RRAS2: variants seen among roughly 807,000 people sequenced by gnomAD.
RRAS2 encodes the protein RAS related 2, also known as ras-related protein R-Ras2.
In RRAS2, 7 loss-of-function variants were observed where a neutral mutation model predicts 27.6. The observed-to-expected ratio is 0.25, with a 90% CI of 0.14 to 0.48. The LOEUF (loss-of-function observed/expected upper bound fraction) is 0.48, where lower values mean the gene tolerates loss of function less well. RRAS2 is among the 20% of genes least tolerant of loss of function. RRAS2 has a pLI of 0.99. For synonymous variants in RRAS2, 86 were observed against 90.9 expected (o/e 0.95, Z 0.31); for missense variants, 178 against 256.2 (o/e 0.69, Z 2.08).
intron 1 of RRAS2, among the ~76,000 whole-genome samples, chr11:14,312,522 T>C (rs1847997197): frequency 6.6e-6 from 1 of 152,098 alleles, no homozygotes; most frequent in Non-Finnish European, 1.5e-5. Context: ...TGGGCTCAAG[T>C]GCTCCTCCCA....
At chr11:14,287,401 A>T (rs1849689988) in intron 4 of RRAS2, among the ~76,000 whole-genome samples, 1 of 152,212 alleles carries the variant, frequency 6.6e-6, no homozygotes, top group South Asian at 2.1e-4. Context: ...AAATCTCAAT[A>T]AACTACTTAC....
chr11:14,322,385 A>G (rs1334647430), intron 1 of RRAS2, among the ~76,000 whole-genome samples: 4 of 151,934 alleles, frequency 2.6e-5, no homozygotes, highest in African/African-American at 9.7e-5. Flanking sequence ...GACTGCAGTG[A>G]GCTGAGACAG....
chr11:14,304,416 C>A (rs1481456314), intron 1 of RRAS2, among the ~76,000 whole-genome samples: 5 of 152,186 alleles, frequency 3.3e-5, no homozygotes, highest in Non-Finnish European at 7.4e-5. Context: ...GCTACATGTG[C>A]AAAACCAGTT....
At chr11:14,347,426 T>C (rs1404456165) in intron 1 of RRAS2, among the ~76,000 whole-genome samples, 1 of 151,940 alleles carries the variant, frequency 6.6e-6, no homozygotes, top group Non-Finnish European at 1.5e-5. Flanking sequence ...ACGAAAGGAG[T>C]GGGTAGAAAC....
chr11:14,331,866 A>ATT (rs1848487467), intron 1 of RRAS2, among the ~76,000 whole-genome samples: 1 of 152,130 alleles, frequency 6.6e-6, no homozygotes, highest in Non-Finnish European at 1.5e-5. Flanking sequence ...AAGCAATCCA[A>ATT]TTTTCAAAAG....
At chr11:14,322,541 A>C (rs1848249587) in intron 1 of RRAS2, among the ~76,000 whole-genome samples, 1 of 152,164 alleles carries the variant, frequency 6.6e-6, no homozygotes. Context: ...CTTGATGTTT[A>C]ATTTCTTTCT....
intron 1 of RRAS2, among the ~76,000 whole-genome samples, chr11:14,349,813 A>C (rs782139214): frequency 6.6e-6 from 1 of 152,146 alleles, no homozygotes; most frequent in South Asian, 2.1e-4. Context: ...TCACTCCTTC[A>C]GTGTAGTTAA....
intron 1 of RRAS2, among the ~76,000 whole-genome samples, chr11:14,326,148 C>T (rs1848352424): frequency 6.6e-6 from 1 of 152,078 alleles, no homozygotes; most frequent in South Asian, 2.1e-4. Flanking sequence ...AGCATGGAAT[C>T]CAAAAATAGT....
At chr11:14,341,870 A>G (rs1554953327) in intron 1 of RRAS2, 2 of 453,538 alleles carry the variant, frequency 4.4e-6, no homozygotes, top group Admixed American at 2.4e-5. Context: ...TGCCTCCTCA[A>G]TAATATTCCC....
chr11:14,362,424 CA>C (rs536260292), upstream of RRAS2, among the ~76,000 whole-genome samples: 8 of 152,122 alleles, frequency 5.3e-5, no homozygotes, highest in East Asian at 1.5e-3. Flanking sequence ...CTTTCTATGC[CA>C]AAATGAGCTC....
At chr11:14,328,095 C>A (rs181683878) in intron 1 of RRAS2, among the ~76,000 whole-genome samples, 1 of 152,108 alleles carries the variant, frequency 6.6e-6, no homozygotes, top group Admixed American at 6.5e-5. Context: ...TGGCCAGGCG[C>A]GGTGGCTCAT....
At chr11:14,360,892 G>A (rs539628362), upstream of RRAS2, among the ~76,000 whole-genome samples, 15 of 148,284 alleles carry the variant, frequency 1.0e-4, no homozygotes, top group East Asian at 2.2e-3. Context: ...CTGCACCCAC[G>A]CCTGGGCGAC....
At chr11:14,281,776 T>C (rs1849543702) in intron 4 of RRAS2, 56 bp from the exon 5 acceptor site, 4 of 1,411,342 alleles carry the variant, frequency 2.8e-6, no homozygotes, top group South Asian at 2.6e-5. Context: ...ATTTGTTCCA[T>C]CTAATCCTGG....
At chr11:14,349,621 C>T (rs1554954518) in intron 1 of RRAS2, among the ~76,000 whole-genome samples, 1 of 152,106 alleles carries the variant, frequency 6.6e-6, no homozygotes, top group Non-Finnish European at 1.5e-5. Flanking sequence ...TACTTATTTG[C>T]TTATAACAGT....
In RRAS2 at chr11:14,281,702, G is replaced by C; in HGVS notation, c.427C>G (p.Gln143Glu). The change falls in exon 5 of 6, where the codon CAA becomes GAA. Residue 143 changes from glutamine to glutamate, a missense_variant. Gln to Glu is a conservative substitution (Grantham distance 29). Transcript: ENST00000256196. ...ACCTTAAGCTGCCGTGCTAACTGTTGTCCTTCTTCCTGTGTTACCTGAAAT... is the reference window on the plus strand; with the variant it reads ...ACCTTAAGCTGCCGTGCTAACTGTTCTCCTTCTTCCTGTGTTACCTGAAAT... The part of the protein sequence containing the change: ...HQRQVTQEEG[Q>E]QLARQLKVTY... The C allele has an allele frequency of 6.3e-7, 1 of 1,597,982 alleles. No individual in the cohort carries two copies. The highest frequency in any genetic ancestry group is 8.5e-7 in the Non-Finnish European group (1 of 1,174,566).
chr11:14,353,646 A>C (rs183289713), intron 1 of RRAS2, among the ~76,000 whole-genome samples: 1 of 152,188 alleles, frequency 6.6e-6, no homozygotes, highest in African/African-American at 2.4e-5. Flanking sequence ...CCTTATCCCA[A>C]AACAGGGGTA....
intron 5 of RRAS2, 121 bp from the exon 6 acceptor site, chr11:14,279,545 C>G: frequency 1.3e-6 from 1 of 749,634 alleles, no homozygotes; most frequent in Non-Finnish European, 2.3e-6. Context: ...TAAACTTCAA[C>G]GAGGGAATTT....
At chr11:14,308,281 CATGA>C in intron 1 of RRAS2, 1 of 452,192 alleles carries the variant, frequency 2.2e-6, no homozygotes, top group Non-Finnish European at 4.4e-6. Flanking sequence ...ATTTGAAATA[CATGA>C]ATGAAAGAAG....
chr11:14,295,047 C>G (rs1554946393), intron 2 of RRAS2, among the ~76,000 whole-genome samples, 185 bp from the exon 3 acceptor site: 1 of 152,152 alleles, frequency 6.6e-6, no homozygotes, highest in African/African-American at 2.4e-5. Flanking sequence ...CAGACAGTTA[C>G]AGAGTTTATC....
Sources: gnomAD v4.1 joint callset for allele counts (sites outside exome capture counted in the v4.1 genomes callset) on GRCh38, gnomAD v4.1.1 for gene constraint, MANE v1.5 for transcripts, NCBI Gene and HGNC (gene_info 2026-07-23, HGNC 2026-07-21) for gene names.